Variants in SUGCT observed in about 807,000 individuals in gnomAD.
The protein encoded by SUGCT is succinyl-CoA:glutarate-CoA transferase, also known as succinyl-CoA:glutarate CoA-transferase.
A neutral mutation model predicts 55.0 loss-of-function variants in SUGCT; 41 were observed. The ratio of observed to expected loss-of-function variants is 0.74; its 90% CI spans 0.58 to 0.97. SUGCT has a LOEUF of 0.97. SUGCT is among the 50% of genes least tolerant of loss of function. The probability of loss-of-function intolerance (pLI) is 0.00; values close to 1 mark genes in which losing one functional copy is unlikely to be tolerated. For missense variants in SUGCT, 568 were observed against 547.8 expected (o/e 1.04, Z -0.37); for synonymous variants, 187 against 200.4 (o/e 0.93, Z 0.56).
intron 13 of SUGCT, among the ~76,000 whole-genome samples, chr7:40,847,407 CTTTCTTTTTTTTTTTTT>C (rs1193509310): frequency 8.5e-6 from 1 of 117,888 alleles, no homozygotes; most frequent in East Asian, 5.0e-4. Flanking sequence ...TCTTTTCTTT[CTTTCTTTTTTTTTTTTT>C]TTTTTTTTTT....
At chr7:40,390,916 G>A (rs551034919) in intron 9 of SUGCT, among the ~76,000 whole-genome samples, 1 of 152,158 alleles carries the variant, frequency 6.6e-6, no homozygotes, top group Non-Finnish European at 1.5e-5. Context: ...AAACAGCATG[G>A]TACTGGTACC....
intron 11 of SUGCT, among the ~76,000 whole-genome samples, chr7:40,482,676 G>A (rs1022417839): frequency 3.3e-5 from 5 of 152,090 alleles, no homozygotes; most frequent in African/African-American, 9.7e-5. Flanking sequence ...TTGTATGGAC[G>A]GTCATAGCAA....
chr7:40,381,505 TAAC>T (rs1415843799), intron 9 of SUGCT, among the ~76,000 whole-genome samples: 3 of 152,094 alleles, frequency 2.0e-5, no homozygotes, highest in Non-Finnish European at 2.9e-5. Context: ...TCTGTTTTCG[TAAC>T]AACAACAAAA....
At chr7:40,160,153 C>T (rs1349360919) in intron 1 of SUGCT, among the ~76,000 whole-genome samples, 2 of 152,170 alleles carry the variant, frequency 1.3e-5, no homozygotes, top group African/African-American at 4.8e-5. Context: ...CCTGTGGATC[C>T]TCCTAGCAAA....
chr7:40,358,186 G>T (rs1419215833), intron 9 of SUGCT, among the ~76,000 whole-genome samples: 1 of 152,216 alleles, frequency 6.6e-6, no homozygotes, highest in Non-Finnish European at 1.5e-5. Flanking sequence ...GCTTAAAGAT[G>T]ATGGGTTAAA....
In SUGCT at chr7:40,730,348, C is replaced by G. The variant is rs750088232; in HGVS notation, c.1090-19086C>G. On this transcript the variant is annotated intron_variant, in intron 12 of 13. Transcript: ENST00000335693. ...TCTCAAACTCCTGACCTCAAGTGATCCACCTGCCTCAGCTTCCCAAAGTGT... is the reference window on the plus strand; with the variant it reads ...TCTCAAACTCCTGACCTCAAGTGATGCACCTGCCTCAGCTTCCCAAAGTGT... Among the ~76,000 whole-genome samples, 146 of 152,286 alleles carry G rather than the reference C, an allele frequency of 9.6e-4. 2 individuals are homozygous for G. In the Middle Eastern group the frequency reaches 0.01, roughly 11 times the overall value.
the SUGCT span, among the ~76,000 whole-genome samples, chr7:40,976,464 A>T: frequency 1.6e-4 from 25 of 152,218 alleles, no homozygotes; most frequent in Non-Finnish European, 1.5e-4. Flanking sequence ...TAAATAGAAG[A>T]TGTTGCTATG....
chr7:40,239,821 C>A (rs757296370), intron 7 of SUGCT, among the ~76,000 whole-genome samples: 1 of 152,172 alleles, frequency 6.6e-6, no homozygotes, highest in Non-Finnish European at 1.5e-5. Context: ...CCATGTATTA[C>A]ATTAAGTAAG....
chr7:40,455,929 A>T (rs1346006982), intron 10 of SUGCT, among the ~76,000 whole-genome samples: 1 of 152,234 alleles, frequency 6.6e-6, no homozygotes, highest in Non-Finnish European at 1.5e-5. Context: ...ATTATGACTT[A>T]CAGGCAATGA....
At chr7:40,385,712 A>T (rs190678364) in intron 9 of SUGCT, among the ~76,000 whole-genome samples, 1 of 40,346 alleles carries the variant, frequency 2.5e-5, no homozygotes. Context: ...TGGTACATAG[A>T]TGTGTTTCAT....
intron 11 of SUGCT, among the ~76,000 whole-genome samples, chr7:40,472,835 TGTTCTTGAC>T (rs1222071971): frequency 6.6e-6 from 1 of 152,168 alleles, no homozygotes; most frequent in Non-Finnish European, 1.5e-5. Flanking sequence ...TATTAATTCA[TGTTCTTGAC>T]TTTCACTTTG....
chr7:40,759,849 G>GT (rs1224526565), intron 13 of SUGCT, among the ~76,000 whole-genome samples: 4 of 150,108 alleles, frequency 2.7e-5, no homozygotes, highest in African/African-American at 7.3e-5. Flanking sequence ...TGTTGTTTTT[G>GT]TTTTTTTAAC....
At chr7:41,005,111 C>T in the SUGCT span, among the ~76,000 whole-genome samples, 1 of 152,092 alleles carries the variant, frequency 6.6e-6, no homozygotes, top group South Asian at 2.1e-4. Flanking sequence ...GTGATGTGCG[C>T]CTAACATGAC....
chr7:40,874,626 G>C, the SUGCT span, among the ~76,000 whole-genome samples: 1 of 152,124 alleles, frequency 6.6e-6, no homozygotes. Flanking sequence ...GTAAGAATTT[G>C]TGATATACAA....
the SUGCT span, among the ~76,000 whole-genome samples, chr7:40,917,749 T>C: frequency 6.6e-6 from 1 of 152,104 alleles, no homozygotes; most frequent in Admixed American, 6.6e-5. Flanking sequence ...CTCTTCATGG[T>C]TTGCAGATGG....
At chr7:40,865,832 G>GA in the SUGCT span, among the ~76,000 whole-genome samples, 1 of 152,162 alleles carries the variant, frequency 6.6e-6, no homozygotes, top group East Asian at 1.9e-4. Context: ...CCTCCAGAAG[G>GA]ATGGTGCCCT....
Position 40,226,539 on chromosome 7 carries a change from T to TA in SUGCT, c.485-11092dup, listed in dbSNP as rs202098252. 6.6e-3 allele frequency among the ~76,000 whole-genome samples: 984 copies of TA among 149,572 alleles called. 6 individuals are homozygous for TA. Among genetic ancestry groups the TA allele is most frequent in the African/African-American group, 0.023 (942 of 41,046 alleles). ...TGGTTTTGTTTCTGAATTAACTCTA[T>TA]AAAAGTAAAAAGTGGCTAAGAAGAA... is the stretch of plus-strand genomic sequence containing the variant. On this transcript the variant is annotated intron_variant, in intron 6 of 13. Transcript: ENST00000335693.
At chr7:40,894,133 C>T in the SUGCT span, among the ~76,000 whole-genome samples, 26 of 151,428 alleles carry the variant, frequency 1.7e-4, no homozygotes, top group African/African-American at 5.3e-4. Flanking sequence ...CAAAAACAGG[C>T]ACATAGACCA....
At chr7:40,662,795 T>C (rs1451947933) in intron 12 of SUGCT, among the ~76,000 whole-genome samples, 1 of 152,236 alleles carries the variant, frequency 6.6e-6, no homozygotes, top group Non-Finnish European at 1.5e-5. Flanking sequence ...ACATATTTTA[T>C]ATTTTCATGT....
Sources: allele counts gnomAD v4.1 joint callset (sites outside exome capture counted in the v4.1 genomes callset), GRCh38; gene constraint gnomAD v4.1.1; transcripts MANE v1.5; gene names NCBI Gene and HGNC (gene_info 2026-07-23, HGNC 2026-07-21).